Variants in CHRDL2 observed in about 807,000 individuals in gnomAD.
CHRDL2 encodes the protein chordin like 2, also known as chordin-like protein 2.
In CHRDL2, 41 loss-of-function variants were observed where a neutral mutation model predicts 54.3. The observed-to-expected ratio is 0.76, with a 90% CI of 0.59 to 0.98. The LOEUF is 0.98. Ranked by LOEUF, CHRDL2 falls within the 50% of genes least tolerant of loss-of-function variation. The probability of loss-of-function intolerance (pLI) is 0.00; values close to 1 mark genes in which losing one functional copy is unlikely to be tolerated. For missense variants in CHRDL2, 518 were observed against 562.4 expected (o/e 0.92, Z 0.80); for synonymous variants, 220 against 224.3 (o/e 0.98, Z 0.17).
rs1198886629 is a variant in CHRDL2, at chr11:74,710,879, C to T, written c.402G>A (p.Leu134=). ...FSAHELFPSR[L]PNQCVLCSCT... Reference sequence around the variant, plus strand: ...AGCTGCAGAGGACACACTGGTTGGGCAGGCGGGAGGGGAACAGCTCATGGG... The same window carrying T: ...AGCTGCAGAGGACACACTGGTTGGGTAGGCGGGAGGGGAACAGCTCATGGG... Residue 134 remains leucine (L), a synonymous_variant, in exon 4 of 11, where the codon CTG becomes CTA. Coordinates refer to ENST00000376332, the MANE Select transcript of CHRDL2 (RefSeq NM_001278473.3). 6.2e-7 allele frequency: 1 copy of T among 1,613,952 alleles called. No individual in the cohort carries two copies. Among genetic ancestry groups the T allele is most frequent in the African/African-American group, 1.3e-5 (1 of 74,910 alleles).
intron 3 of CHRDL2, among the ~76,000 whole-genome samples, chr11:74,711,501 C>T (rs2034191617): frequency 6.6e-6 from 1 of 152,190 alleles, no homozygotes; most frequent in South Asian, 2.1e-4. Context: ...AGCCCCCCTC[C>T]CCATCACCTG....
intron 10 of CHRDL2, among the ~76,000 whole-genome samples, chr11:74,696,811 T>A (rs2033609702): frequency 6.6e-6 from 1 of 152,192 alleles, no homozygotes; most frequent in Non-Finnish European, 1.5e-5. Context: ...TCCTGACACC[T>A]GTTGGTAATA....
chr11:74,697,348 G>A (rs1217208375), intron 9 of CHRDL2, 51 bp from the exon 10 acceptor site: 1 of 1,338,834 alleles, frequency 7.5e-7, no homozygotes, highest in Admixed American at 1.7e-5. Context: ...CCTACAGTCG[G>A]TGAAAAGTGA....
intron 4 of CHRDL2, 91 bp downstream of exon 4, chr11:74,710,758 G>A (rs952798051): frequency 6.8e-7 from 1 of 1,461,798 alleles, no homozygotes; most frequent in Non-Finnish European, 9.1e-7. Flanking sequence ...TGGCCAGGAG[G>A]AACAATCCCC....
intron 6 of CHRDL2, 84 bp downstream of exon 6, chr11:74,706,403 T>C (rs1398730047): frequency 7.6e-7 from 1 of 1,312,976 alleles, no homozygotes; most frequent in Non-Finnish European, 1.1e-6. Context: ...CAATAACTGG[T>C]ATTGCCTGCC....
intron 1 of CHRDL2, among the ~76,000 whole-genome samples, chr11:74,723,335 C>T (rs901743847): frequency 2.0e-5 from 3 of 152,098 alleles, no homozygotes; most frequent in African/African-American, 7.2e-5. Context: ...ACAGTAGTCC[C>T]CCCTCATCCT....
chr11:74,700,265 C>G (rs903306472), intron 9 of CHRDL2, among the ~76,000 whole-genome samples: 2 of 152,252 alleles, frequency 1.3e-5, no homozygotes, highest in African/African-American at 2.4e-5. Context: ...ACACCAATCA[C>G]AGAGCACAGG....
rs2034082046 is a variant in CHRDL2, at chr11:74,708,384, G to C, written c.444C>G (p.Ile148Met). ...CVLCSCTEGQ[I>M]YCGLTTCPEP... Reference sequence around the variant, plus strand: ...CGGGGCAGGTTGTGAGGCCGCAGTAGATCTGGCCCTCCTGACAGATAGAGC... The same window carrying C: ...CGGGGCAGGTTGTGAGGCCGCAGTACATCTGGCCCTCCTGACAGATAGAGC... Residue 148 changes from isoleucine to methionine, a missense_variant, in exon 5 of 11, where the codon ATC (isoleucine) becomes ATG (methionine). Physicochemically the swap from Ile to Met is conservative, Grantham distance 10. Coordinates refer to ENST00000376332, the MANE Select transcript of CHRDL2 (RefSeq NM_001278473.3). 14 of 1,581,532 alleles carry C rather than the reference G, an allele frequency of 8.9e-6. No individual in the cohort carries two copies. The highest frequency in any genetic ancestry group is 1.2e-5 in the Non-Finnish European group (14 of 1,166,330).
At chr11:74,699,725 G>C (rs2033737851) in intron 9 of CHRDL2, 1 of 152,314 alleles carries the variant, frequency 6.6e-6, no homozygotes, top group Non-Finnish European at 1.5e-5. Flanking sequence ...TCGTGGTGTG[G>C]CCTCACCTAG....
intron 9 of CHRDL2, 94 bp from the exon 10 acceptor site, chr11:74,697,391 C>T (rs986432211): frequency 1.6e-5 from 13 of 814,748 alleles, no homozygotes; most frequent in Non-Finnish European, 2.7e-5. Flanking sequence ...CGGACCCAAT[C>T]ACTCCCTCCC....
intron 3 of CHRDL2, among the ~76,000 whole-genome samples, chr11:74,712,462 A>C (rs2034225816): frequency 6.6e-6 from 1 of 152,178 alleles, no homozygotes; most frequent in African/African-American, 2.4e-5. Context: ...GAGGCCCCCC[A>C]GAGTCGGCAT....
At chr11:74,710,369 A>C (rs959390384) in intron 4 of CHRDL2, among the ~76,000 whole-genome samples, 4 of 152,158 alleles carry the variant, frequency 2.6e-5, no homozygotes, top group African/African-American at 9.7e-5. Context: ...AACACTGCCG[A>C]GTCAGCCCTG....
chr11:74,708,195 C>T, intron 5 of CHRDL2, 107 bp downstream of exon 5: 2 of 724,078 alleles, frequency 2.8e-6, no homozygotes, highest in Non-Finnish European at 2.1e-6. Flanking sequence ...GAGCCGTCTG[C>T]TACATGCTGG....
chr11:74,704,533 G>A lies in CHRDL2; in HGVS notation c.704C>T (p.Ala235Val). 6.3e-7 allele frequency: 1 copy of A among 1,583,662 alleles called. No individual in the cohort carries two copies. The highest frequency in any genetic ancestry group is 1.2e-5 in the South Asian group (1 of 85,370). The change falls in exon 7 of 11, where the codon GCA becomes GTA. Residue 235 changes from alanine to valine, a missense_variant. Transcript: ENST00000376332. ...GACGATCTTGACAGTTGTGCTGCCT[G>A]CTCCCTTGGGTCTGAAGTGGCGAGG... ...FIPRHFRPKGAGSTTVKIVLK... is the reference protein window; with the variant it reads ...FIPRHFRPKGVGSTTVKIVLK...
At position 74,724,944 on chromosome 11, in the gene CHRDL2, A is replaced by G. The variant is rs191634958; in HGVS notation, c.82+5863T>C. On this transcript the variant is annotated intron_variant, in intron 1 of 10. Transcript: ENST00000376332. Reference sequence around the variant, plus strand: ...AAGAACAGAGTTAACAAAGAGGGAGAGATTCTGGAAGAGGAGCCAATTGAC... The same window carrying G: ...AAGAACAGAGTTAACAAAGAGGGAGGGATTCTGGAAGAGGAGCCAATTGAC... 3.4e-3 allele frequency among the ~76,000 whole-genome samples: 521 copies of G among 152,132 alleles called. 6 individuals are homozygous for G. The Middle Eastern group carries it at 0.038, about 11-fold the overall frequency.
chr11:74,703,835 G>A (rs1219035272), intron 7 of CHRDL2, among the ~76,000 whole-genome samples: 1 of 152,224 alleles, frequency 6.6e-6, no homozygotes, highest in African/African-American at 2.4e-5. Context: ...GGTCATGTGA[G>A]CCCTGGCAGG....
intron 9 of CHRDL2, chr11:74,698,721 A>ACC (rs1554983965): frequency 0.019 from 1,562 of 81,656 alleles, 29 homozygotes; most frequent in East Asian, 0.042. Context: ...ACACACACAC[A>ACC]CCCCACATAC....
chr11:74,710,382 T>C (rs1406907100), intron 4 of CHRDL2, among the ~76,000 whole-genome samples: 1 of 152,202 alleles, frequency 6.6e-6, no homozygotes, highest in Non-Finnish European at 1.5e-5. Flanking sequence ...CAGCCCTGCC[T>C]GCCCGGAGGT....
At position 74,704,719 on chromosome 11, in the gene CHRDL2, C is replaced by T. The variant is rs762947061; in HGVS notation, c.583-65G>A. 5.3e-6 allele frequency: 8 copies of T among 1,518,286 alleles called. No individual in the cohort carries two copies. In the African/African-American group the frequency reaches 5.5e-5, roughly 10 times the overall value. The allele number at this position is 1,518,286 out of a possible 1,614,324, so 94.1% of individuals were successfully genotyped here. ...TAGCAGGCCCCAGCTGGAGCCAGAA[C>T]AGCAAGACAGGCTGCAGCAAGAGGC... On this transcript the variant is annotated intron_variant, in intron 6 of 10. Transcript: ENST00000376332.
Sources: allele counts gnomAD v4.1 joint callset (sites outside exome capture counted in the v4.1 genomes callset), GRCh38; gene constraint gnomAD v4.1.1; transcripts MANE v1.5; gene names NCBI Gene and HGNC (gene_info 2026-07-23, HGNC 2026-07-21).